The following PARP4 variants were observed in gnomAD, a reference collection of about 807,000 sequenced individuals.
The protein encoded by PARP4 is poly(ADP-ribose) polymerase family member 4.
In PARP4, 120 loss-of-function variants were observed where a neutral mutation model predicts 187.7. That is an observed-to-expected ratio of 0.64 (90% CI 0.55 to 0.74). PARP4 has a LOEUF of 0.74. Among genes scored for constraint, PARP4 ranks in the 30% least tolerant of loss-of-function variants. The pLI is 0.00. For missense variants in PARP4, 1,836 were observed against 2,070.5 expected (o/e 0.89, Z 2.20); for synonymous variants, 654 against 740.9 (o/e 0.88, Z 1.90).
chr13:24,431,440 T>A lies in PARP4; in HGVS notation c.4783A>T (p.Ile1595Leu), dbSNP rs535500218. 2 of 1,599,314 alleles carry A rather than the reference T, an allele frequency of 1.3e-6. No individual in the cohort carries two copies. The highest frequency in any genetic ancestry group is 1.3e-5 in the African/African-American group (1 of 74,116). ...FWKLTPELGL[I>L]LNLNTNGLHS... ...AAACCATTTGTATTAAGATTTAATA[T>A]AAGTCCCAGTTCTGGTGTAAGTTTC... The change falls in exon 32 of 34, where the codon ATA becomes TTA. Residue 1595 changes from isoleucine (I) to leucine (L), a missense_variant. Coordinates refer to ENST00000381989, the MANE Select transcript of PARP4 (RefSeq NM_006437.4).
At chr13:24,494,744 A>G in intron 6 of PARP4, 22 bp from the exon 7 acceptor site, 1 of 1,551,078 alleles carries the variant, frequency 6.4e-7, no homozygotes, top group Non-Finnish European at 8.8e-7. Flanking sequence ...GGTGTATAGC[A>G]AAAGTACAGT....
At chr13:24,457,951 GGTCTGAA>G (rs1183172810) in intron 20 of PARP4, among the ~76,000 whole-genome samples, 2 of 151,876 alleles carry the variant, frequency 1.3e-5, no homozygotes, top group Admixed American at 1.3e-4. Context: ...ATAAAGAGAA[GGTCTGAA>G]GTTCCTGCAG....
At chr13:24,504,545 TC>T (rs1207237641) in intron 1 of PARP4, among the ~76,000 whole-genome samples, 2 of 151,926 alleles carry the variant, frequency 1.3e-5, no homozygotes, top group African/African-American at 2.4e-5. Flanking sequence ...AAACCCAGCC[TC>T]CCAAAGTGCT....
intron 15 of PARP4, among the ~76,000 whole-genome samples, chr13:24,471,449 T>C (rs1341694131): frequency 6.6e-6 from 1 of 152,210 alleles, no homozygotes; most frequent in African/African-American, 2.4e-5. Flanking sequence ...AAAGTATTTT[T>C]ACCAGGCCTT....
chr13:24,473,312 G>A (rs1222813277), intron 15 of PARP4, among the ~76,000 whole-genome samples: 5 of 152,154 alleles, frequency 3.3e-5, no homozygotes, highest in Admixed American at 6.5e-5. Context: ...CTCTCTCTGG[G>A]AAGAAAGTGC....
chr13:24,478,880 T>C (rs1260260636), intron 12 of PARP4, among the ~76,000 whole-genome samples: 1 of 152,202 alleles, frequency 6.6e-6, no homozygotes, highest in Admixed American at 6.5e-5. Flanking sequence ...TTTACTATCA[T>C]AAATACCAGG....
intron 24 of PARP4, among the ~76,000 whole-genome samples, chr13:24,450,364 C>T (rs1229126854): frequency 6.6e-6 from 1 of 151,214 alleles, no homozygotes; most frequent in African/African-American, 2.4e-5. Context: ...TCAAGAACTC[C>T]TTGCTTAGAG....
intron 1 of PARP4, among the ~76,000 whole-genome samples, chr13:24,505,055 G>C (rs1393694615): frequency 6.7e-6 from 1 of 149,448 alleles, no homozygotes; most frequent in Non-Finnish European, 1.5e-5. Flanking sequence ...CCAGGCTGGA[G>C]TGCAGTAGCA....
At chr13:24,506,378 G>T (rs149313656) in intron 1 of PARP4, among the ~76,000 whole-genome samples, 2 of 152,138 alleles carry the variant, frequency 1.3e-5, no homozygotes, top group African/African-American at 4.8e-5. Flanking sequence ...GAAAAACAAA[G>T]CTTCCACAGC....
At chr13:24,426,736 AT>A in intron 32 of PARP4, 138 bp from the exon 33 acceptor site, 2 of 760,776 alleles carry the variant, frequency 2.6e-6, no homozygotes, top group Non-Finnish European at 4.2e-6. Flanking sequence ...AAAAAAAAAA[AT>A]ACAAAAAATT....
At chr13:24,486,874 C>T (rs1343920266) in intron 10 of PARP4, among the ~76,000 whole-genome samples, 1 of 139,202 alleles carries the variant, frequency 7.2e-6, no homozygotes, top group Non-Finnish European at 1.6e-5. Flanking sequence ...ATCACTTGAA[C>T]CCGGGGCGGG....
At chr13:24,421,618 C>T (rs1869750732) in intron 33 of PARP4, among the ~76,000 whole-genome samples, 1 of 152,258 alleles carries the variant, frequency 6.6e-6, no homozygotes, top group African/African-American at 2.4e-5. Flanking sequence ...GTCCCCTTTC[C>T]ACGCTTCTCA....
intron 20 of PARP4, among the ~76,000 whole-genome samples, chr13:24,457,018 A>G (rs372446906): frequency 2.6e-5 from 4 of 152,310 alleles, no homozygotes; most frequent in East Asian, 3.9e-4. Context: ...ACACGGTCAA[A>G]TAAGTGTGAG....
At chr13:24,499,263 T>TC in intron 5 of PARP4, 38 bp downstream of exon 5, 1 of 813,678 alleles carries the variant, frequency 1.2e-6, no homozygotes, top group East Asian at 4.1e-5. Flanking sequence ...ACAGGTGTGT[T>TC]TTTTTTTTTT....
At chr13:24,481,952 C>A (rs1873304073) in intron 12 of PARP4, among the ~76,000 whole-genome samples, 1 of 152,226 alleles carries the variant, frequency 6.6e-6, no homozygotes, top group Non-Finnish European at 1.5e-5. Flanking sequence ...AAATTGAAAA[C>A]CTTCTGGAAA....
chr13:24,504,979 G>A (rs1350242985), intron 1 of PARP4, among the ~76,000 whole-genome samples: 3 of 149,084 alleles, frequency 2.0e-5, no homozygotes, highest in African/African-American at 7.4e-5. Context: ...ACAGGCATGA[G>A]CCACCGCACC....
At chr13:24,510,662 C>A (rs1869967685) in intron 1 of PARP4, among the ~76,000 whole-genome samples, 1 of 150,584 alleles carries the variant, frequency 6.6e-6, no homozygotes, top group African/African-American at 2.5e-5. Flanking sequence ...GAGTTGATGG[C>A]CAGAAATGGA....
intron 22 of PARP4, among the ~76,000 whole-genome samples, chr13:24,454,093 T>C (rs1206164070): frequency 7.0e-6 from 1 of 141,942 alleles, no homozygotes; most frequent in African/African-American, 2.8e-5. Flanking sequence ...CGAGACTCTG[T>C]CTCAAAAAAA....
chr13:24,494,071 G>A (rs1366454534), intron 7 of PARP4, among the ~76,000 whole-genome samples: 1 of 152,164 alleles, frequency 6.6e-6, no homozygotes, highest in Non-Finnish European at 1.5e-5. Flanking sequence ...CCAAAAGCTG[G>A]GAGGGTCTGC....
Sources: gnomAD v4.1 joint callset for allele counts (sites outside exome capture counted in the v4.1 genomes callset) on GRCh38, gnomAD v4.1.1 for gene constraint, MANE v1.5 for transcripts, NCBI Gene and HGNC (gene_info 2026-07-23, HGNC 2026-07-21) for gene names.